PTPRD: variants seen among roughly 807,000 people sequenced by gnomAD.
The protein encoded by PTPRD is protein tyrosine phosphatase receptor type D, also known as receptor-type tyrosine-protein phosphatase delta.
In PTPRD, 34 loss-of-function variants were observed where a neutral mutation model predicts 214.5. The ratio of observed to expected loss-of-function variants is 0.16; its 90% CI spans 0.12 to 0.21. The LOEUF is 0.21. Ranked by LOEUF, PTPRD falls within the 10% of genes least tolerant of loss-of-function variation. PTPRD has a pLI of 1.00. For synonymous variants in PTPRD, 1,128 were observed against 845.7 expected (o/e 1.33, Z -5.79); for missense variants, 2,545 against 2,398.7 (o/e 1.06, Z -1.27).
intron 3 of PTPRD, among the ~76,000 whole-genome samples, chr9:10,263,220 TAA>T (rs1280640027): frequency 2.0e-5 from 3 of 152,174 alleles, no homozygotes; most frequent in African/African-American, 7.2e-5. Context: ...GGTGTTGCTG[TAA>T]AGTTACCTGA....
intron 11 of PTPRD, among the ~76,000 whole-genome samples, chr9:8,893,541 T>C (rs2098562245): frequency 1.3e-5 from 2 of 152,166 alleles, no homozygotes; most frequent in Admixed American, 1.3e-4. Context: ...AATAGCAATC[T>C]GACAATTTCA....
intron 2 of PTPRD, among the ~76,000 whole-genome samples, chr9:10,537,032 T>A (rs567441798): frequency 6.6e-6 from 1 of 152,284 alleles, no homozygotes; most frequent in East Asian, 1.9e-4. Flanking sequence ...GTTGGGCATT[T>A]CTTTTCTAGC....
At chr9:9,151,761 G>C (rs1158566495) in intron 10 of PTPRD, among the ~76,000 whole-genome samples, 1 of 152,112 alleles carries the variant, frequency 6.6e-6, no homozygotes, top group Non-Finnish European at 1.5e-5. Flanking sequence ...AGATTGCTCA[G>C]TGCCTAAAGA....
chr9:9,427,244 G>A (rs1437859571), intron 8 of PTPRD, among the ~76,000 whole-genome samples: 1 of 152,164 alleles, frequency 6.6e-6, no homozygotes, highest in Non-Finnish European at 1.5e-5. Context: ...GAAAACCATG[G>A]CATGAGAACT....
At chr9:9,833,475 G>T (rs955127939) in intron 5 of PTPRD, among the ~76,000 whole-genome samples, 1 of 151,820 alleles carries the variant, frequency 6.6e-6, no homozygotes, top group Non-Finnish European at 1.5e-5. Flanking sequence ...CCACAGGACC[G>T]AGGCGAAATT....
intron 5 of PTPRD, among the ~76,000 whole-genome samples, chr9:9,858,530 A>G (rs1485829015): frequency 1.3e-5 from 2 of 152,264 alleles, no homozygotes; most frequent in Non-Finnish European, 2.9e-5. Context: ...AAGAGACACA[A>G]CTAATTCATT....
At chr9:10,597,341 G>A (rs1024528125) in intron 2 of PTPRD, among the ~76,000 whole-genome samples, 11 of 151,668 alleles carry the variant, frequency 7.3e-5, no homozygotes, top group Admixed American at 1.3e-4. Context: ...TTTATCAAAA[G>A]GAACTTTATA....
chr9:9,636,639 A>G (rs2095779180), intron 7 of PTPRD, among the ~76,000 whole-genome samples: 1 of 152,206 alleles, frequency 6.6e-6, no homozygotes, highest in South Asian at 2.1e-4. Flanking sequence ...GTGTTTGGGT[A>G]TAGTCTCTGA....
chr9:8,698,302 T>C (rs2097975314), intron 12 of PTPRD, among the ~76,000 whole-genome samples: 2 of 151,366 alleles, frequency 1.3e-5, no homozygotes, highest in South Asian at 4.1e-4. Context: ...GACTATCCAT[T>C]TTTGAAAATG....
chr9:8,593,207 C>G (rs984011342), intron 14 of PTPRD, among the ~76,000 whole-genome samples: 3 of 152,092 alleles, frequency 2.0e-5, no homozygotes, highest in African/African-American at 7.2e-5. Flanking sequence ...AAAGACCTTG[C>G]TTGAGGGCGT....
intron 35 of PTPRD, among the ~76,000 whole-genome samples, chr9:8,427,359 T>A (rs1487447747): frequency 6.6e-6 from 1 of 152,172 alleles, no homozygotes; most frequent in Non-Finnish European, 1.5e-5. Flanking sequence ...CACTCTTTCT[T>A]CTGTTTGCTC....
chr9:9,549,542 ATTAAAC>A (rs1352300881), intron 8 of PTPRD, among the ~76,000 whole-genome samples: 1 of 152,136 alleles, frequency 6.6e-6, no homozygotes, highest in Non-Finnish European at 1.5e-5. Flanking sequence ...GTGAAGATGT[ATTAAAC>A]TTAAACAGTC....
intron 6 of PTPRD, among the ~76,000 whole-genome samples, chr9:9,743,731 TACACACAC>T (rs4008087): frequency 6.2e-5 from 5 of 80,466 alleles, no homozygotes; most frequent in East Asian, 2.3e-4. Context: ...ACTCAGTCTA[TACACACAC>T]ACACACACAC....
At chr9:10,004,643 C>T (rs2096427747) in intron 4 of PTPRD, among the ~76,000 whole-genome samples, 1 of 151,650 alleles carries the variant, frequency 6.6e-6, no homozygotes, top group South Asian at 2.1e-4. Flanking sequence ...ACACACCGCA[C>T]ACACACACAC....
intron 7 of PTPRD, among the ~76,000 whole-genome samples, chr9:9,717,926 T>A (rs947682746): frequency 6.4e-4 from 39 of 60,662 alleles, no homozygotes; most frequent in African/African-American, 4.6e-3. Context: ...TTGGAAAGAC[T>A]TGAAATAAAA....
intron 2 of PTPRD, among the ~76,000 whole-genome samples, chr9:10,469,793 A>C (rs1361454735): frequency 6.6e-6 from 1 of 152,152 alleles, no homozygotes; most frequent in Non-Finnish European, 1.5e-5. Context: ...AGAAAATGTC[A>C]TATGTATACA....
intron 3 of PTPRD, among the ~76,000 whole-genome samples, chr9:10,330,255 T>A (rs147768901): frequency 1.3e-5 from 2 of 151,894 alleles, no homozygotes; most frequent in African/African-American, 4.8e-5. Context: ...TATTCCAACA[T>A]CTGGATTGAG....
At chr9:9,930,297 G>A (rs755855735) in intron 5 of PTPRD, among the ~76,000 whole-genome samples, 21 of 152,164 alleles carry the variant, frequency 1.4e-4, no homozygotes, top group Non-Finnish European at 2.6e-4. Flanking sequence ...GGACATAAGT[G>A]AGATCATTCA....
intron 7 of PTPRD, among the ~76,000 whole-genome samples, chr9:9,699,186 T>C (rs907308496): frequency 6.6e-6 from 1 of 152,180 alleles, no homozygotes; most frequent in African/African-American, 2.4e-5. Flanking sequence ...TTCTGGTACT[T>C]ACATTTCAGT....
Sources: allele counts gnomAD v4.1 joint callset (sites outside exome capture counted in the v4.1 genomes callset), GRCh38; gene constraint gnomAD v4.1.1; transcripts MANE v1.5; gene names NCBI Gene and HGNC (gene_info 2026-07-23, HGNC 2026-07-21).